The following DST variants were observed in gnomAD, a reference collection of about 807,000 sequenced individuals.
DST encodes dystonin.
A neutral mutation model predicts 875.2 loss-of-function variants in DST; 253 were observed. That is an observed-to-expected ratio of 0.29 (90% CI 0.26 to 0.32). DST has a LOEUF of 0.32. Among genes scored for constraint, DST ranks in the 10% least tolerant of loss-of-function variants. The pLI, the probability that DST is intolerant of heterozygous loss-of-function variation, is 1.00. For missense variants in DST, 8,287 were observed against 9,111.6 expected, an observed-to-expected ratio of 0.91 and a Z score of 3.68; for synonymous variants, 3,124 against 3,197.1, an observed-to-expected ratio of 0.98 and a Z score of 0.77.
chr6:56,906,003 A>G (rs1177787647), intron 2 of DST, among the ~76,000 whole-genome samples: 1 of 152,164 alleles, frequency 6.6e-6, no homozygotes, highest in Non-Finnish European at 1.5e-5. Context: ...GATTGTTTCC[A>G]TATCTTGGCT....
In DST at chr6:56,601,504, GT is replaced by G; in HGVS notation, c.11479del (p.Thr3827LeufsTer7). The G allele has an allele frequency of 6.2e-7, 1 of 1,606,488 alleles. No homozygotes were observed. Among genetic ancestry groups the G allele is most frequent in the Non-Finnish European group, 8.5e-7 (1 of 1,176,638 alleles). Reference sequence around the variant, plus strand: ...AGTCTCTAAACGTTCCACCTGGGTAGTTACTGACTCCTGTACATCAAGAAAA... The same window carrying G: ...AGTCTCTAAACGTTCCACCTGGGTAGTACTGACTCCTGTACATCAAGAAAA... ...KCFLDVQESVTTQVERLETQL... is the reference protein window; with the variant it reads ...KCFLDVQESVXTQVERLETQL... On this transcript the variant is annotated frameshift_variant, in exon 44 of 104. Coordinates refer to ENST00000680361, the MANE Select transcript of DST (RefSeq NM_001374736.1). LOFTEE classifies it high-confidence loss of function.
chr6:56,940,227 CACACACACAT>C (rs1291929247), intron 2 of DST, among the ~76,000 whole-genome samples: 15 of 141,256 alleles, frequency 1.1e-4, no homozygotes, highest in African/African-American at 3.1e-4. Context: ...CACACACACA[CACACACACAT>C]ATATACATAT....
chr6:56,906,710 A>C (rs1192341814), intron 2 of DST, among the ~76,000 whole-genome samples: 1 of 152,048 alleles, frequency 6.6e-6, no homozygotes, highest in Non-Finnish European at 1.5e-5. Context: ...CTCTCACTAG[A>C]GAGAGAGATG....
intron 3 of DST, among the ~76,000 whole-genome samples, chr6:56,879,019 G>C (rs1302438162): frequency 6.6e-6 from 1 of 152,122 alleles, no homozygotes; most frequent in Non-Finnish European, 1.5e-5. Flanking sequence ...TAGAGAGTGA[G>C]TTAAATGGTA....
intron 4 of DST, among the ~76,000 whole-genome samples, chr6:56,824,760 C>T (rs935762080): frequency 2.0e-5 from 3 of 151,560 alleles, no homozygotes; most frequent in African/African-American, 7.3e-5. Flanking sequence ...TGAGGAGTCC[C>T]TCCGCCCGGC....
intron 28 of DST, among the ~76,000 whole-genome samples, chr6:56,632,262 T>C (rs1483236279): frequency 2.0e-5 from 3 of 152,168 alleles, no homozygotes; most frequent in Non-Finnish European, 2.9e-5. Flanking sequence ...GAAGTACCAA[T>C]TTCCGATTAA....
chr6:56,607,529 T>C lies in DST; in HGVS notation c.7099A>G (p.Thr2367Ala), dbSNP rs777584836. The C allele has an allele frequency of 1.2e-6, 2 of 1,603,936 alleles. No individual in the cohort carries two copies. The highest frequency in any genetic ancestry group is 2.2e-5 in the South Asian group (2 of 90,038). ...MLRSDSENIL[T>A]NYENQSRVET... is the part of the protein sequence containing the mutation. ...ACTCGGCTTTGATTTTCATAGTTTG[T>C]AAGTATGTTTTCAGAGTCACTTCTA... Residue 2367 changes from threonine (T) to alanine (A), a missense_variant, in exon 40 of 104, where the codon ACA becomes GCA. Physicochemically the swap from Thr to Ala is moderately conservative, Grantham distance 58. Around this residue, in one of 10 missense-constraint regions of DST, gnomAD observed 3,138 missense variants for 3,116.6 expected, o/e 1.01. Transcript: ENST00000680361.
intron 50 of DST, among the ~76,000 whole-genome samples, chr6:56,577,001 C>T (rs1338898242): frequency 6.6e-6 from 1 of 152,132 alleles, no homozygotes; most frequent in East Asian, 1.9e-4. Flanking sequence ...GTAAATTCTT[C>T]ATTTTAGTAA....
chr6:56,937,899 G>A (rs1485381329), intron 2 of DST, among the ~76,000 whole-genome samples: 1 of 152,112 alleles, frequency 6.6e-6, no homozygotes, highest in African/African-American at 2.4e-5. Flanking sequence ...GAAGCCAGAT[G>A]TGAAAGACTA....
Position 56,607,395 on chromosome 6 carries a change from A to G in DST, c.7233T>C (p.Cys2411=), listed in dbSNP as rs1296342517. The G allele has an allele frequency of 1.9e-6, 3 of 1,612,420 alleles. No individual in the cohort carries two copies. The South Asian group carries it at 3.3e-5, about 18-fold the overall frequency. Residue 2411 remains cysteine (C), a synonymous_variant, in exon 40 of 104, where the codon TGT becomes TGC. Transcript: ENST00000680361. ...CTTCATTCTCTGTTTCATTCACACCACAGAATTTACTCATTTTTGATTTCA... is the reference window on the plus strand; with the variant it reads ...CTTCATTCTCTGTTTCATTCACACCGCAGAATTTACTCATTTTTGATTTCA... ...PIMKSKMSKF[C]GVNETENEDN... is the part of the protein sequence containing the mutation.
chr6:56,471,690 GA>G (rs2094902203), intron 94 of DST, among the ~76,000 whole-genome samples: 1 of 152,044 alleles, frequency 6.6e-6, no homozygotes, highest in Admixed American at 6.6e-5. Context: ...TCTAAAACTT[GA>G]AATCTTAGGT....
intron 4 of DST, among the ~76,000 whole-genome samples, chr6:56,779,421 G>T (rs1172538968): frequency 1.3e-5 from 2 of 152,012 alleles, no homozygotes; most frequent in African/African-American, 2.4e-5. Context: ...GGCTTTTGTT[G>T]CCATTGCTTT....
intron 4 of DST, among the ~76,000 whole-genome samples, chr6:56,783,109 TC>T (rs2099697618): frequency 6.6e-6 from 1 of 152,204 alleles, no homozygotes; most frequent in East Asian, 1.9e-4. Context: ...TAATTTCTGT[TC>T]TTTTACATTT....
intron 10 of DST, among the ~76,000 whole-genome samples, chr6:56,669,561 A>C (rs955747417): frequency 6.7e-6 from 1 of 149,872 alleles, no homozygotes; most frequent in East Asian, 1.9e-4. Flanking sequence ...ATGCCACTGC[A>C]CTCTAGCCTG....
At chr6:56,706,698 GCA>G (rs1474398218) in intron 5 of DST, among the ~76,000 whole-genome samples, 1 of 152,090 alleles carries the variant, frequency 6.6e-6, no homozygotes, top group African/African-American at 2.4e-5. Context: ...TCCCTCACAT[GCA>G]CAGTTCACAA....
At chr6:56,841,904 C>T (rs1372162322) in intron 4 of DST, among the ~76,000 whole-genome samples, 7 of 152,090 alleles carry the variant, frequency 4.6e-5, no homozygotes, top group Non-Finnish European at 5.9e-5. Flanking sequence ...ACTGCACTTG[C>T]TCAGTGGCAG....
chr6:56,783,447 CT>C lies in DST; in HGVS notation c.626-48159del, dbSNP rs1246229995. ...TATATATTTAGGATAGTTAGCTCTT[CT>C]TGTTGAATTGATCCCTTTACCATTA... On this transcript the variant is annotated intron_variant, in intron 4 of 103. Transcript: ENST00000680361. Among the ~76,000 whole-genome samples, 379 of 152,034 alleles carry C rather than the reference CT, an allele frequency of 2.5e-3. 2 individuals carry two copies. Among genetic ancestry groups the C allele is most frequent in the African/African-American group, 8.9e-3 (367 of 41,302 alleles).
chr6:56,544,875 A>G (rs952832838), intron 61 of DST, among the ~76,000 whole-genome samples: 4 of 152,204 alleles, frequency 2.6e-5, no homozygotes, highest in African/African-American at 9.7e-5. Flanking sequence ...GAGCTCATAT[A>G]TAGAGCAGAA....
At chr6:56,926,350 G>A (rs539091350) in intron 2 of DST, among the ~76,000 whole-genome samples, 2 of 152,278 alleles carry the variant, frequency 1.3e-5, no homozygotes, top group Admixed American at 6.5e-5. Flanking sequence ...AACATGGAAT[G>A]CACCCTCAGC....
Sources: allele counts gnomAD v4.1 joint callset (sites outside exome capture counted in the v4.1 genomes callset), GRCh38; gene constraint gnomAD v4.1.1; regional missense constraint gnomAD v4.1.1; transcripts MANE v1.5; gene names NCBI Gene and HGNC (gene_info 2026-07-23, HGNC 2026-07-21).